Variants in ACO1 observed in about 807,000 individuals in gnomAD.
ACO1 encodes the protein cytoplasmic aconitate hydratase.
ACO1 carries 78 observed loss-of-function variants against 105.1 expected under a neutral mutation model. The observed-to-expected ratio is 0.74, with a 90% confidence interval of 0.62 to 0.90. ACO1 has a LOEUF of 0.90. ACO1 is among the 40% of genes least tolerant of loss of function. ACO1 has a pLI of 0.00. For synonymous variants in ACO1, 364 were observed against 397.4 expected, an observed-to-expected ratio of 0.92 and a Z score of 1.00; for missense variants, 965 against 1,111.1, an observed-to-expected ratio of 0.87 and a Z score of 1.87.
chr9:32,419,874 G>C (rs905246092), intron 7 of ACO1, among the ~76,000 whole-genome samples: 1 of 152,206 alleles, frequency 6.6e-6, no homozygotes, highest in African/African-American at 2.4e-5. Flanking sequence ...CAAAAGCAAT[G>C]GTTTTTAATG....
At chr9:32,440,642 C>T in intron 19 of ACO1, 55 bp downstream of exon 19, 1 of 1,583,272 alleles carries the variant, frequency 6.3e-7, no homozygotes, top group Non-Finnish European at 8.6e-7. Context: ...TGGGAGGGTC[C>T]CCAGGCACAA....
chr9:32,429,785 G>A (rs1021410567), intron 13 of ACO1, among the ~76,000 whole-genome samples: 2 of 152,184 alleles, frequency 1.3e-5, no homozygotes, highest in African/African-American at 4.8e-5. Flanking sequence ...TTAGTGCAGT[G>A]TCTGGCACTC....
intron 1 of ACO1, among the ~76,000 whole-genome samples, chr9:32,386,832 G>T (rs1821165733): frequency 6.6e-6 from 1 of 152,210 alleles, no homozygotes; most frequent in Non-Finnish European, 1.5e-5. Flanking sequence ...CATGTGTCCA[G>T]TTATGTGCGG....
chr9:32,400,744 GAAGT>G (rs1273541903), intron 1 of ACO1, among the ~76,000 whole-genome samples: 10 of 152,330 alleles, frequency 6.6e-5, no homozygotes, highest in Non-Finnish European at 1.3e-4. Context: ...AGTGTTTTAA[GAAGT>G]AAGTAGTAAA....
chr9:32,423,454 T>A (rs1046189146), intron 9 of ACO1, 35 bp downstream of exon 9: 3 of 1,416,726 alleles, frequency 2.1e-6, no homozygotes, highest in African/African-American at 2.9e-5. Flanking sequence ...ATGTATTTCC[T>A]CTTCCTCAAG....
intron 1 of ACO1, among the ~76,000 whole-genome samples, chr9:32,396,197 T>G (rs543423255): frequency 6.6e-6 from 1 of 152,366 alleles, no homozygotes; most frequent in South Asian, 2.1e-4. Flanking sequence ...TATTTTCATA[T>G]ATGAGTTAAT....
chr9:32,418,071 T>C (rs1326523774), intron 4 of ACO1, 57 bp from the exon 5 acceptor site: 2 of 1,510,338 alleles, frequency 1.3e-6, no homozygotes, highest in Non-Finnish European at 1.8e-6. Flanking sequence ...ACCAATAAAT[T>C]TGACCACTAA....
intron 19 of ACO1, among the ~76,000 whole-genome samples, chr9:32,443,206 T>G (rs1822520887): frequency 6.6e-6 from 1 of 152,064 alleles, no homozygotes; most frequent in African/African-American, 2.4e-5. Flanking sequence ...AACTGAAAAT[T>G]TATTAAGCCA....
chr9:32,409,155 G>C (rs978898635), intron 4 of ACO1, among the ~76,000 whole-genome samples: 6 of 152,040 alleles, frequency 3.9e-5, no homozygotes, highest in African/African-American at 1.2e-4. Context: ...AATCTTACCT[G>C]TCCTTCAAGG....
At chr9:32,435,327 G>A (rs1051951162) in intron 17 of ACO1, among the ~76,000 whole-genome samples, 1 of 152,110 alleles carries the variant, frequency 6.6e-6, no homozygotes, top group African/African-American at 2.4e-5. Context: ...GAATCCAAAT[G>A]CCTTTTTTCT....
intron 4 of ACO1, 103 bp from the exon 5 acceptor site, chr9:32,418,025 A>G: frequency 1.0e-6 from 1 of 960,538 alleles, no homozygotes; most frequent in Non-Finnish European, 1.6e-6. Context: ...ATCACTCAGC[A>G]AGCAAGGAGA....
At position 32,419,084 on chromosome 9, in the gene ACO1, C is replaced by G; in HGVS notation, c.705C>G (p.Ile235Met). 1 of 1,608,072 alleles carries G rather than the reference C, an allele frequency of 6.2e-7. No individual in the cohort carries two copies. The highest frequency in any genetic ancestry group is 8.5e-7 in the Non-Finnish European group (1 of 1,176,984). Residue 235 changes from isoleucine (I) to methionine (M), a missense_variant, in exon 7 of 21, where the codon ATC becomes ATG. Transcript: ENST00000309951. ...EAEAVMLGQP[I>M]SMVLPQVIGY... Reference sequence around the variant, plus strand: ...AAGCTGTCATGCTGGGTCAGCCAATCAGTATGGTGCTTCCTCAGGTGATTG... The same window carrying G: ...AAGCTGTCATGCTGGGTCAGCCAATGAGTATGGTGCTTCCTCAGGTGATTG...
chr9:32,400,214 G>A (rs903450398), intron 1 of ACO1, among the ~76,000 whole-genome samples: 1 of 151,936 alleles, frequency 6.6e-6, no homozygotes, highest in Admixed American at 6.6e-5. Flanking sequence ...GAGGTGATCC[G>A]CCCATCTCGA....
chr9:32,385,649 A>C (rs1472299776), intron 1 of ACO1, among the ~76,000 whole-genome samples: 2 of 152,226 alleles, frequency 1.3e-5, no homozygotes, highest in African/African-American at 2.4e-5. Context: ...TTTGATGTCA[A>C]GCGTAATTGA....
intron 4 of ACO1, among the ~76,000 whole-genome samples, chr9:32,411,353 T>C (rs1934030875): frequency 6.6e-6 from 1 of 152,220 alleles, no homozygotes; most frequent in South Asian, 2.1e-4. Context: ...GAGCAGTTCT[T>C]ATGAATGTTT....
rs72549185 is a variant in ACO1 at position 32,427,483 on chromosome 9, C to T, written c.1484+47C>T. Reference sequence around the variant, plus strand: ...CACCATTGCTTTTGTTGAATTGTATCCCTCATGTATCTTGCTGTGTCACCT... The same window carrying T: ...CACCATTGCTTTTGTTGAATTGTATTCCTCATGTATCTTGCTGTGTCACCT... On this transcript the variant is annotated intron_variant, in intron 12 of 20. Transcript: ENST00000309951. 2.2e-4 allele frequency: 356 copies of T among 1,611,206 alleles called. 1 individual carries two copies. The African/African-American group carries it at 4.3e-3, about 20-fold the overall frequency.
chr9:32,440,628 G>T, intron 19 of ACO1, 41 bp downstream of exon 19: 1 of 1,600,600 alleles, frequency 6.2e-7, no homozygotes, highest in Non-Finnish European at 8.5e-7. Context: ...GCTCCCCTCT[G>T]AACTGGGAGG....
intron 4 of ACO1, among the ~76,000 whole-genome samples, chr9:32,409,548 G>C (rs1039858826): frequency 2.0e-5 from 3 of 152,114 alleles, no homozygotes; most frequent in Non-Finnish European, 4.4e-5. Flanking sequence ...CCAAAGGTGT[G>C]CATATTAAAA....
chr9:32,403,164 G>A (rs879719561), intron 1 of ACO1, among the ~76,000 whole-genome samples: 1 of 152,180 alleles, frequency 6.6e-6, no homozygotes, highest in Non-Finnish European at 1.5e-5. Context: ...GAAAGAGCCA[G>A]GGTTTGAAAC....
Sources: allele counts gnomAD v4.1 joint callset (sites outside exome capture counted in the v4.1 genomes callset), GRCh38; gene constraint gnomAD v4.1.1; transcripts MANE v1.5; gene names NCBI Gene and HGNC (gene_info 2026-07-23, HGNC 2026-07-21).